ENOX1: variants seen among roughly 807,000 people sequenced by gnomAD.
ENOX1 encodes candidate growth-related and time keeping constitutive hydroquinone (NADH) oxidase.
A neutral mutation model predicts 82.5 loss-of-function variants in ENOX1; 42 were observed. That is an observed-to-expected ratio of 0.51 (90% CI 0.40 to 0.66). The LOEUF (loss-of-function observed/expected upper bound fraction) is 0.66. Ranked by LOEUF, ENOX1 falls within the 30% of genes least tolerant of loss-of-function variation. The pLI, the probability that ENOX1 is intolerant of heterozygous loss-of-function variation, is 0.00. For missense variants in ENOX1, 608 were observed against 811.6 expected, an observed-to-expected ratio of 0.75 and a Z score of 3.05; for synonymous variants, 271 against 282.2, an observed-to-expected ratio of 0.96 and a Z score of 0.40.
intron 12 of ENOX1, among the ~76,000 whole-genome samples, chr13:43,279,969 T>C (rs922256661): frequency 2.6e-5 from 4 of 152,378 alleles, no homozygotes; most frequent in Admixed American, 2.6e-4. Context: ...CATGTATCAG[T>C]GACATTCTCT....
intron 7 of ENOX1, among the ~76,000 whole-genome samples, chr13:43,358,232 G>A (rs2050270635): frequency 6.6e-6 from 1 of 152,100 alleles, no homozygotes; most frequent in Non-Finnish European, 1.5e-5. Context: ...TGTTGAAAAG[G>A]GCCTCTGATT....
chr13:43,566,423 T>C lies in ENOX1; in HGVS notation c.-218-82271A>G, dbSNP rs140230078. The stretch of plus-strand genomic sequence containing the variant: ...ATGCATAGATCAATGAATTTTATAT[T>C]TATTATATGATATATATTCTACTGT... On this transcript the variant is annotated intron_variant, in intron 2 of 16. Transcript: ENST00000690772. Among the ~76,000 whole-genome samples the C allele has an allele frequency of 2.5e-3, 388 of 152,198 alleles. 1 individual carries two copies. The highest frequency in any genetic ancestry group is 9.0e-3 in the African/African-American group (373 of 41,562).
chr13:43,722,127 C>G lies in ENOX1; in HGVS notation c.-284-54583G>C, dbSNP rs1001826554. On this transcript the variant is annotated intron_variant, in intron 1 of 16. Coordinates refer to ENST00000690772, the MANE Select transcript of ENOX1 (RefSeq NM_001347969.2). The stretch of plus-strand genomic sequence containing the variant: ...AAATTGGATTAGTCTTTGTGATCCT[C>G]AGTGTTCTTTTTTGCAAAATAGGGA... Among the ~76,000 whole-genome samples, 3 of 152,154 alleles carry G rather than the reference C, an allele frequency of 2.0e-5. No homozygotes were observed. The East Asian group carries it at 5.8e-4, about 29-fold the overall frequency.
rs533879412 is a variant in ENOX1, at chr13:43,569,091, T to A, written c.-218-84939A>T. ...AAAAACAAAAGTAATAGAAAATCAA[T>A]GGCTGTATACCCTTAGATAGAAATG... On this transcript the variant is annotated intron_variant, in intron 2 of 16. Transcript: ENST00000690772. 3.3e-5 allele frequency among the ~76,000 whole-genome samples: 5 copies of A among 152,324 alleles called. No homozygotes were observed. In the East Asian group the frequency reaches 7.7e-4, roughly 24 times the overall value.
chr13:43,710,300 T>C lies in ENOX1; in HGVS notation c.-284-42756A>G, dbSNP rs537825020. On this transcript the variant is annotated intron_variant, in intron 1 of 16. Coordinates refer to ENST00000690772, the MANE Select transcript of ENOX1 (RefSeq NM_001347969.2). ...TATTTCCTAATAATTCAATGATGGT[T>C]TGACATTAGAAAACATATGAAAGTA... Among the ~76,000 whole-genome samples, 11 of 152,262 alleles carry C rather than the reference T, an allele frequency of 7.2e-5. No homozygotes were observed. In the South Asian group the frequency reaches 2.1e-3, roughly 29 times the overall value.
intron 12 of ENOX1, among the ~76,000 whole-genome samples, chr13:43,293,263 A>G (rs1239659249): frequency 6.6e-6 from 1 of 152,006 alleles, no homozygotes; most frequent in Admixed American, 6.6e-5. Flanking sequence ...TACCACAGTC[A>G]CCACAGCTAC....
chr13:43,424,091 C>G (rs935035775), intron 3 of ENOX1, among the ~76,000 whole-genome samples: 1 of 152,174 alleles, frequency 6.6e-6, no homozygotes, highest in Admixed American at 6.5e-5. Flanking sequence ...AAACCATACA[C>G]ATGGCAACAA....
chr13:43,728,475 A>G (rs1430393277), intron 1 of ENOX1, among the ~76,000 whole-genome samples: 3 of 152,116 alleles, frequency 2.0e-5, no homozygotes, highest in Non-Finnish European at 4.4e-5. Context: ...AGTACTACTC[A>G]TCTCTCTGGC....
intron 1 of ENOX1, among the ~76,000 whole-genome samples, chr13:43,737,152 A>C (rs1158904800): frequency 2.0e-5 from 3 of 152,246 alleles, no homozygotes; most frequent in Non-Finnish European, 2.9e-5. Flanking sequence ...TAACCTCTAA[A>C]AAACACCCCA....
chr13:43,619,942 G>T (rs1464628970), intron 2 of ENOX1, among the ~76,000 whole-genome samples: 1 of 152,056 alleles, frequency 6.6e-6, no homozygotes, highest in Non-Finnish European at 1.5e-5. Flanking sequence ...CTTGCTATTG[G>T]TCTGTTCAGG....
At chr13:43,589,230 A>AAAAAAAAAC in intron 2 of ENOX1, among the ~76,000 whole-genome samples, 1 of 150,644 alleles carries the variant, frequency 6.6e-6, no homozygotes. Context: ...AAAAAAAAAA[A>AAAAAAAAAC]AAAAAAAAAG....
chr13:43,485,154 C>T lies in ENOX1; in HGVS notation c.-218-1002G>A, dbSNP rs986298565. Among the ~76,000 whole-genome samples, 16 of 152,282 alleles carry T rather than the reference C, an allele frequency of 1.1e-4. No homozygotes were observed. In the East Asian group the frequency reaches 2.3e-3, roughly 22 times the overall value. ...ACCTTAATGGCTGAGGGTGACAAAG[C>T]GAGGGCTCTAGTTGGATTTCCATTC... is the stretch of plus-strand genomic sequence containing the variant. On this transcript the variant is annotated intron_variant, in intron 2 of 16. Transcript: ENST00000690772.
chr13:43,529,783 A>G (rs2078133532), intron 2 of ENOX1, among the ~76,000 whole-genome samples: 1 of 152,138 alleles, frequency 6.6e-6, no homozygotes, highest in Non-Finnish European at 1.5e-5. Context: ...GAAGACATCG[A>G]CAGAAGCTAA....
chr13:43,600,001 C>A (rs1305236954), intron 2 of ENOX1, among the ~76,000 whole-genome samples: 1 of 151,930 alleles, frequency 6.6e-6, no homozygotes, highest in Non-Finnish European at 1.5e-5. Flanking sequence ...CACTTTGACC[C>A]TGAATAATCA....
At chr13:43,770,932 C>G (rs1415477065) in intron 1 of ENOX1, among the ~76,000 whole-genome samples, 1 of 152,016 alleles carries the variant, frequency 6.6e-6, no homozygotes, top group Non-Finnish European at 1.5e-5. Flanking sequence ...TGCTTCATAT[C>G]CCTCTCCAAA....
At chr13:43,278,836 T>C (rs966150804) in intron 12 of ENOX1, among the ~76,000 whole-genome samples, 1 of 152,226 alleles carries the variant, frequency 6.6e-6, no homozygotes, top group African/African-American at 2.4e-5. Flanking sequence ...ATCACACTAT[T>C]TAATTTTCTT....
chr13:43,442,370 A>C (rs1381902427), intron 3 of ENOX1, among the ~76,000 whole-genome samples: 2 of 152,230 alleles, frequency 1.3e-5, no homozygotes, highest in African/African-American at 4.8e-5. Flanking sequence ...TTAAATATGT[A>C]GTTCCAGAGC....
intron 2 of ENOX1, among the ~76,000 whole-genome samples, chr13:43,592,445 AT>A (rs899425138): frequency 3.1e-4 from 47 of 152,114 alleles, no homozygotes; most frequent in East Asian, 5.8e-4. Flanking sequence ...CCATCATTGC[AT>A]TTTTTTTAAG....
At chr13:43,610,524 T>C (rs1357600196) in intron 2 of ENOX1, among the ~76,000 whole-genome samples, 2 of 152,348 alleles carry the variant, frequency 1.3e-5, no homozygotes, top group African/African-American at 4.8e-5. Context: ...ATGTCTCTCT[T>C]TATGCTTAGT....
Sources: gnomAD v4.1 joint callset for allele counts (sites outside exome capture counted in the v4.1 genomes callset) on GRCh38, gnomAD v4.1.1 for gene constraint, MANE v1.5 for transcripts, NCBI Gene and HGNC (gene_info 2026-07-23, HGNC 2026-07-21) for gene names.